PEAK1: variants seen among roughly 807,000 people sequenced by gnomAD.
PEAK1 encodes the protein inactive tyrosine-protein kinase PEAK1.
PEAK1 carries 54 observed loss-of-function variants against 124.7 expected under a neutral mutation model. The observed-to-expected ratio is 0.43, with a 90% CI of 0.35 to 0.54. PEAK1 has a LOEUF of 0.54. Among genes scored for constraint, PEAK1 ranks in the 20% least tolerant of loss-of-function variants. The pLI is 0.01. For missense variants in PEAK1, 2,046 were observed against 2,134.5 expected (o/e 0.96, Z 0.82); for synonymous variants, 719 against 760.0 (o/e 0.95, Z 0.89).
chr15:77,210,829 G>A (rs902131852), intron 6 of PEAK1, among the ~76,000 whole-genome samples: 3 of 152,168 alleles, frequency 2.0e-5, no homozygotes, highest in Non-Finnish European at 4.4e-5. Flanking sequence ...GCAGTGAACC[G>A]AGGCTGCACC....
intron 6 of PEAK1, among the ~76,000 whole-genome samples, chr15:77,214,400 A>G (rs1411574419): frequency 2.0e-5 from 3 of 151,584 alleles, no homozygotes; most frequent in Non-Finnish European, 4.4e-5. Context: ...GCAGATCATG[A>G]GGTCAGGAGA....
intron 1 of PEAK1, chr15:77,403,120 T>C (rs2142028376): frequency 1.0e-6 from 1 of 985,384 alleles, no homozygotes; most frequent in Non-Finnish European, 1.2e-6. Flanking sequence ...GAGCCTTTTC[T>C]GGTTACTAGA....
rs2051431409 is a variant in PEAK1, at chr15:77,180,894, C to T, written c.1033G>A (p.Asp345Asn). Residue 345 changes from aspartate to asparagine, a missense_variant, in exon 7 of 10, where the codon GAT becomes AAT. Asp to Asn is a conservative substitution (Grantham distance 23, BLOSUM62 1). Coordinates refer to ENST00000682557, the MANE Select transcript of PEAK1 (RefSeq NM_001385026.1). ...SMVSSDSTSPDSSLTEESRSE... is the reference protein window; with the variant it reads ...SMVSSDSTSPNSSLTEESRSE... Reference sequence around the variant, plus strand: ...CGTGATTCTTCTGTTAAAGAAGAATCTGGTGATGTGGAGTCAGATGACACC... The same window carrying T: ...CGTGATTCTTCTGTTAAAGAAGAATTTGGTGATGTGGAGTCAGATGACACC... 1 of 1,613,938 alleles carries T rather than the reference C, an allele frequency of 6.2e-7. No homozygotes were observed. The highest frequency in any genetic ancestry group is 1.3e-5 in the African/African-American group (1 of 74,914).
intron 2 of PEAK1, chr15:77,350,334 C>A (rs1161991437): frequency 2.0e-6 from 2 of 985,164 alleles, no homozygotes; most frequent in African/African-American, 3.5e-5. Context: ...ATAGTCATGG[C>A]CAGAGAGTAT....
rs892192477 is a variant in PEAK1, at chr15:77,365,291, A to C, written c.-665-66T>G. 5 of 618,524 alleles carry C rather than the reference A, an allele frequency of 8.1e-6. No individual in the cohort carries two copies. In the East Asian group the frequency reaches 7.0e-4, roughly 86 times the overall value. The allele number at this position is 618,524 out of a possible 1,614,324, so 38.3% of individuals were successfully genotyped here. A position where few individuals can be genotyped will look rare whatever the true frequency, so the allele number is the denominator to read the frequency against. ...TGGTTGAATCTGAGTATGGAAATTT[A>C]ATTATTTCAATAGAACCCTAACTTG... On this transcript the variant is annotated intron_variant, in intron 1 of 9. Coordinates refer to ENST00000682557, the MANE Select transcript of PEAK1 (RefSeq NM_001385026.1).
intron 6 of PEAK1, among the ~76,000 whole-genome samples, chr15:77,212,281 T>G (rs2058941222): frequency 1.3e-5 from 2 of 152,210 alleles, no homozygotes; most frequent in Non-Finnish European, 2.9e-5. Context: ...CTCTTTTTAG[T>G]ACTTTTCCTA....
intron 2 of PEAK1, among the ~76,000 whole-genome samples, chr15:77,319,909 C>G (rs2065093220): frequency 6.6e-6 from 1 of 152,098 alleles, no homozygotes; most frequent in African/African-American, 2.4e-5. Flanking sequence ...GGAAGCTGCT[C>G]CCAATGAAAA....
At chr15:77,189,523 A>G (rs1464575888) in intron 6 of PEAK1, among the ~76,000 whole-genome samples, 1 of 152,150 alleles carries the variant, frequency 6.6e-6, no homozygotes, top group African/African-American at 2.4e-5. Flanking sequence ...GCACACCCAC[A>G]CCTTCCCCTC....
chr15:77,346,763 T>C (rs2066896705), intron 2 of PEAK1: 12 of 978,438 alleles, frequency 1.2e-5, no homozygotes, highest in Non-Finnish European at 1.3e-5. Flanking sequence ...AAAATATTCA[T>C]TCATTGGTCA....
chr15:77,189,806 C>A (rs1369502138), intron 6 of PEAK1, among the ~76,000 whole-genome samples: 1 of 152,148 alleles, frequency 6.6e-6, no homozygotes, highest in African/African-American at 2.4e-5. Flanking sequence ...TCCTCTTCTC[C>A]ATTGCCCTCA....
intron 2 of PEAK1, among the ~76,000 whole-genome samples, chr15:77,319,426 A>C (rs2065064783): frequency 1.3e-5 from 2 of 152,216 alleles, no homozygotes; most frequent in South Asian, 4.1e-4. Context: ...AAGTAACCAA[A>C]GAGTTAATCA....
chr15:77,322,586 C>T lies in PEAK1; in HGVS notation c.-602-36082G>A, dbSNP rs531315885. 4.9e-3 allele frequency among the ~76,000 whole-genome samples: 745 copies of T among 152,172 alleles called. 13 individuals are homozygous for T. Among genetic ancestry groups the T allele is most frequent in the African/African-American group, 0.017 (707 of 41,502 alleles). Reference sequence around the variant, plus strand: ...CTCCCAAGACTAAACCAGGAAGAAGCTGAATCTCTGAATAGACCAATAACA... The same window carrying T: ...CTCCCAAGACTAAACCAGGAAGAAGTTGAATCTCTGAATAGACCAATAACA... On this transcript the variant is annotated intron_variant, in intron 2 of 9. Coordinates refer to ENST00000682557, the MANE Select transcript of PEAK1 (RefSeq NM_001385026.1).
At chr15:77,271,017 T>C (rs899528411) in intron 5 of PEAK1, among the ~76,000 whole-genome samples, 11 of 152,144 alleles carry the variant, frequency 7.2e-5, no homozygotes, top group African/African-American at 2.7e-4. Context: ...GAGAAAATTT[T>C]TGCATTCTAC....
At chr15:77,206,743 G>C (rs1292331348) in intron 6 of PEAK1, among the ~76,000 whole-genome samples, 3 of 151,896 alleles carry the variant, frequency 2.0e-5, no homozygotes, top group Non-Finnish European at 4.4e-5. Flanking sequence ...TGTCAGACGA[G>C]TAGGTTGCGA....
intron 9 of PEAK1, among the ~76,000 whole-genome samples, chr15:77,125,729 C>A (rs761627726): frequency 1.3e-5 from 2 of 152,224 alleles, no homozygotes; most frequent in Non-Finnish European, 2.9e-5. Context: ...TAACAGTCCT[C>A]ACATTTTGTA....
At chr15:77,391,577 C>T (rs2070462037) in intron 1 of PEAK1, among the ~76,000 whole-genome samples, 1 of 147,358 alleles carries the variant, frequency 6.8e-6, no homozygotes, top group Non-Finnish European at 1.5e-5. Context: ...AAATGAAAAG[C>T]AATATGATTT....
intron 1 of PEAK1, chr15:77,403,655 AT>A: frequency 1.1e-6 from 1 of 882,244 alleles, no homozygotes; most frequent in Non-Finnish European, 1.4e-6. Flanking sequence ...AATAAAACAC[AT>A]CCCCCTTTAG....
chr15:77,371,706 G>A (rs1023916147), intron 1 of PEAK1, among the ~76,000 whole-genome samples: 6 of 152,150 alleles, frequency 3.9e-5, no homozygotes, highest in African/African-American at 1.2e-4. Context: ...TGGCCAACAT[G>A]GTGAAATGCC....
At chr15:77,128,452 G>A (rs1294672773) in intron 9 of PEAK1, among the ~76,000 whole-genome samples, 1 of 152,208 alleles carries the variant, frequency 6.6e-6, no homozygotes, top group African/African-American at 2.4e-5. Flanking sequence ...CAGTTTCAAA[G>A]GGTGAAGCTG....
Sources: gnomAD v4.1 joint callset for allele counts (sites outside exome capture counted in the v4.1 genomes callset) on GRCh38, gnomAD v4.1.1 for gene constraint, MANE v1.5 for transcripts, NCBI Gene and HGNC (gene_info 2026-07-23, HGNC 2026-07-21) for gene names.